The following RNF150 variants were observed in gnomAD, a reference collection of about 807,000 sequenced individuals.
The protein encoded by RNF150 is ring finger protein 150.
In RNF150, 24 loss-of-function variants were observed where a neutral mutation model predicts 39.3. The observed-to-expected ratio is 0.61, with a 90% CI of 0.44 to 0.86. The LOEUF (loss-of-function observed/expected upper bound fraction) is 0.86. RNF150 is among the 40% of genes least tolerant of loss of function. The pLI, the probability that RNF150 is intolerant of heterozygous loss-of-function variation, is 0.00. For synonymous variants in RNF150, 255 were observed against 227.3 expected, an observed-to-expected ratio of 1.12 and a Z score of -1.10; for missense variants, 502 against 587.8, an observed-to-expected ratio of 0.85 and a Z score of 1.51.
At chr4:141,168,738 G>C (rs764594301) in intron 1 of RNF150, among the ~76,000 whole-genome samples, 2 of 152,008 alleles carry the variant, frequency 1.3e-5, no homozygotes, top group African/African-American at 4.8e-5. Context: ...AATGGGAGTC[G>C]AACAAGGAGA....
intron 1 of RNF150, among the ~76,000 whole-genome samples, chr4:141,099,747 T>TGGTA (rs1223685194): frequency 6.6e-6 from 1 of 151,958 alleles, no homozygotes; most frequent in African/African-American, 2.4e-5. Context: ...TTTGACATGA[T>TGGTA]GGTAAAGAGT....
At chr4:141,204,242 G>A (rs976113860) in intron 1 of RNF150, among the ~76,000 whole-genome samples, 8 of 152,222 alleles carry the variant, frequency 5.3e-5, no homozygotes, top group African/African-American at 1.4e-4. Context: ...AATATTCCAC[G>A]TGAGAAAAGC....
chr4:141,161,787 T>A (rs140347664), intron 1 of RNF150, among the ~76,000 whole-genome samples: 1 of 152,246 alleles, frequency 6.6e-6, no homozygotes, highest in East Asian at 1.9e-4. Context: ...CCAAAGGGTG[T>A]AAGCCATTAG....
At chr4:141,074,767 T>C (rs1294924465) in intron 1 of RNF150, among the ~76,000 whole-genome samples, 1 of 152,198 alleles carries the variant, frequency 6.6e-6, no homozygotes, top group Non-Finnish European at 1.5e-5. Flanking sequence ...GGGACTGTAA[T>C]GCTGTTTGTG....
At chr4:141,011,692 A>G (rs570307041) in intron 1 of RNF150, among the ~76,000 whole-genome samples, 1 of 152,360 alleles carries the variant, frequency 6.6e-6, no homozygotes, top group East Asian at 1.9e-4. Flanking sequence ...GCACAGTACC[A>G]AGACATTCAA....
chr4:141,132,579 T>C lies in RNF150; in HGVS notation c.230A>G (p.Tyr77Cys). The C allele has an allele frequency of 6.3e-7, 1 of 1,577,362 alleles. No homozygotes were observed. Among genetic ancestry groups the C allele is most frequent in the Non-Finnish European group, 8.6e-7 (1 of 1,162,474 alleles). The change falls in exon 1 of 7, where the codon TAC (tyrosine) becomes TGC (cysteine). Residue 77 changes from tyrosine (Y) to cysteine (C), a missense_variant. Physicochemically the swap from Tyr to Cys is radical, Grantham distance 194 (BLOSUM62 -2). Transcript: ENST00000515673. The surrounding 1 kb of genome is among the most constrained non-coding windows in gnomAD (Gnocchi z 4.9). ...LHTEKTECGR[Y>C]GEHSPKQDAR... ...GTCCTGCTTGGGCGAGTGCTCTCCG[T>C]AGCGCCCGCACTCCGTCTTCTCCGT... is the stretch of plus-strand genomic sequence containing the variant.
intron 5 of RNF150, among the ~76,000 whole-genome samples, chr4:140,914,426 C>T (rs949022879): frequency 6.6e-6 from 1 of 152,232 alleles, no homozygotes; most frequent in Admixed American, 6.5e-5. Flanking sequence ...GAAAACTGCA[C>T]AGGCATTTAA....
At chr4:140,981,920 T>C (rs1291343612) in intron 1 of RNF150, among the ~76,000 whole-genome samples, 1 of 152,184 alleles carries the variant, frequency 6.6e-6, no homozygotes, top group Non-Finnish European at 1.5e-5. Context: ...TTGATTTTCA[T>C]AAACAAACAT....
intron 6 of RNF150, among the ~76,000 whole-genome samples, chr4:140,877,378 C>G (rs548642766): frequency 6.6e-6 from 1 of 152,206 alleles, no homozygotes; most frequent in East Asian, 1.9e-4. Context: ...AGCATAATAT[C>G]TGGTAGATGA....
upstream of RNF150, among the ~76,000 whole-genome samples, chr4:141,134,845 C>T (rs1307885762): frequency 6.6e-6 from 1 of 152,252 alleles, no homozygotes; most frequent in Non-Finnish European, 1.5e-5. Flanking sequence ...CTGCTAGAAA[C>T]CCCCGGCTAG....
rs370448088 is a variant in RNF150, at chr4:141,092,170, C to G, written c.484+40155G>C. Among the ~76,000 whole-genome samples the G allele has an allele frequency of 6.8e-4, 104 of 152,188 alleles. 1 individual carries two copies. The highest frequency in any genetic ancestry group is 2.4e-3 in the African/African-American group (100 of 41,512). ...ACCAGCCTGGCCAACATGGCAAAACCCTGTCTCTATTAAAAATACAAAAAT... is the reference window on the plus strand; with the variant it reads ...ACCAGCCTGGCCAACATGGCAAAACGCTGTCTCTATTAAAAATACAAAAAT... On this transcript the variant is annotated intron_variant, in intron 1 of 6. Transcript: ENST00000515673.
At position 140,892,683 on chromosome 4, in the gene RNF150, CT is replaced by C. The variant is rs144373032; in HGVS notation, c.1198+18460del. Among the ~76,000 whole-genome samples the C allele has an allele frequency of 6.2e-3, 846 of 136,178 alleles. 12 individuals carry two copies. The highest frequency in any genetic ancestry group is 0.03 in the African/African-American group (798 of 26,436). 89.3% of individuals were successfully genotyped at this position (136,178 alleles called of 152,430 possible). A position where few individuals can be genotyped will look rare whatever the true frequency, so the allele number is the denominator to read the frequency against. ...TCTTGGCTTCGCAGGCTCCTTCCCCCTGGGGAGGGATGTCGGCGACTTCTTG... is the reference window on the plus strand; with the variant it reads ...TCTTGGCTTCGCAGGCTCCTTCCCCCGGGGAGGGATGTCGGCGACTTCTTG... On this transcript the variant is annotated intron_variant, in intron 6 of 6. Coordinates refer to ENST00000515673, the MANE Select transcript of RNF150 (RefSeq NM_020724.2).
At chr4:140,988,917 A>G (rs1443010347) in intron 1 of RNF150, among the ~76,000 whole-genome samples, 1 of 152,144 alleles carries the variant, frequency 6.6e-6, no homozygotes, top group African/African-American at 2.4e-5. Context: ...AAAACCAAAC[A>G]CTGCATGTTC....
chr4:140,986,339 A>G (rs906200650), intron 1 of RNF150, among the ~76,000 whole-genome samples: 11 of 152,124 alleles, frequency 7.2e-5, no homozygotes, highest in African/African-American at 2.4e-4. Flanking sequence ...AGAGAAAGAA[A>G]ATGAGTCTCA....
At chr4:140,950,476 G>A (rs1325342481) in intron 2 of RNF150, among the ~76,000 whole-genome samples, 1 of 152,202 alleles carries the variant, frequency 6.6e-6, no homozygotes, top group Non-Finnish European at 1.5e-5. Flanking sequence ...GGCTTACAGA[G>A]CTTAAGTAAG....
At chr4:141,015,756 T>C (rs1232142773) in intron 1 of RNF150, among the ~76,000 whole-genome samples, 1 of 152,206 alleles carries the variant, frequency 6.6e-6, no homozygotes, top group African/African-American at 2.4e-5. Context: ...TTCTCTTACC[T>C]AATTGCTCTG....
chr4:140,982,225 T>A (rs1016207036), intron 1 of RNF150, among the ~76,000 whole-genome samples: 7 of 152,174 alleles, frequency 4.6e-5, no homozygotes, highest in Non-Finnish European at 1.0e-4. Flanking sequence ...TCAGACATCA[T>A]CTTTTTCTCA....
chr4:140,915,406 C>T (rs1235638340), intron 5 of RNF150, among the ~76,000 whole-genome samples: 1 of 152,218 alleles, frequency 6.6e-6, no homozygotes, highest in African/African-American at 2.4e-5. Context: ...ATAATTAACA[C>T]ATAGTGCTAC....
At chr4:140,963,553 G>A (rs565742921) in intron 2 of RNF150, among the ~76,000 whole-genome samples, 1 of 112,380 alleles carries the variant, frequency 8.9e-6, no homozygotes, top group Non-Finnish European at 2.0e-5. Context: ...ACAGAAAATG[G>A]AGAAAAGTTT....
Sources: allele counts gnomAD v4.1 joint callset (sites outside exome capture counted in the v4.1 genomes callset), GRCh38; gene constraint gnomAD v4.1.1; non-coding constraint Gnocchi (gnomAD v3.1); transcripts MANE v1.5; gene names NCBI Gene and HGNC (gene_info 2026-07-23, HGNC 2026-07-21).